The following COL24A1 variants were observed in gnomAD, a reference collection of about 807,000 sequenced individuals.
The protein encoded by COL24A1 is collagen type XXIV alpha 1 chain.
Under a neutral mutation model 253.9 loss-of-function variants are expected in COL24A1, and 224 were observed. The observed-to-expected ratio is 0.88, with a 90% CI of 0.79 to 0.99. COL24A1 has a LOEUF of 0.99. Ranked by LOEUF, COL24A1 falls within the 50% of genes least tolerant of loss-of-function variation. COL24A1 has a pLI of 0.00. For synonymous variants in COL24A1, 685 were observed against 673.7 expected (o/e 1.02, Z -0.26); for missense variants, 2,131 against 2,068.5 (o/e 1.03, Z -0.59).
chr1:86,041,289 G>A (rs1051373850), intron 12 of COL24A1, among the ~76,000 whole-genome samples: 8 of 152,012 alleles, frequency 5.3e-5, no homozygotes, highest in Non-Finnish European at 8.8e-5. Context: ...CCATTCTAAG[G>A]GTCTGAAAAA....
chr1:85,970,164 A>G lies in COL24A1; in HGVS notation c.2463+63T>C. ...AATGTAAAATGTTATGATGTTAAAA[A>G]CATTTATAGAACAGCTATTTTCAAG... On this transcript the variant is annotated intron_variant, in intron 22 of 59. Transcript: ENST00000370571. The G allele has an allele frequency of 2.9e-6, 4 of 1,386,194 alleles. No individual in the cohort carries two copies. In the South Asian group the frequency reaches 5.7e-5, roughly 20 times the overall value. The allele number at this position is 1,386,194 out of a possible 1,614,324, so 85.9% of individuals were successfully genotyped here. A position where few individuals can be genotyped will look rare whatever the true frequency, so the allele number is the denominator to read the frequency against.
At chr1:85,871,358 C>A (rs962721359) in intron 35 of COL24A1, among the ~76,000 whole-genome samples, 1 of 152,140 alleles carries the variant, frequency 6.6e-6, no homozygotes, top group African/African-American at 2.4e-5. Context: ...AGGCCAGCAT[C>A]ATCCTGATAC....
rs184146946 is a variant in COL24A1, at chr1:85,971,408, T to C, written c.2365-15A>G. 4 of 1,598,990 alleles carry C rather than the reference T, an allele frequency of 2.5e-6. No homozygotes were observed. Among genetic ancestry groups the C allele is most frequent in the African/African-American group, 2.7e-5 (2 of 74,308 alleles). ...CCAAGGAGTCCCTATAAAAGCAATA[T>C]AAATGCACACAATAGAAATTTTAGA... On this transcript the variant is annotated splice_polypyrimidine_tract_variant and intron_variant, in intron 20 of 59. Coordinates refer to ENST00000370571, the MANE Select transcript of COL24A1 (RefSeq NM_152890.7).
intron 32 of COL24A1, among the ~76,000 whole-genome samples, 183 bp from the exon 33 acceptor site, chr1:85,877,358 ATG>A (rs1434404855): frequency 1.3e-5 from 2 of 151,964 alleles, no homozygotes; most frequent in South Asian, 2.1e-4. Context: ...TGATTCATGT[ATG>A]TGTGTGTGTT....
intron 37 of COL24A1, among the ~76,000 whole-genome samples, chr1:85,861,791 T>C (rs1273548426): frequency 2.0e-5 from 3 of 152,230 alleles, no homozygotes; most frequent in Non-Finnish European, 2.9e-5. Flanking sequence ...TTTCTTATCA[T>C]AGCTTAAAAA....
At chr1:86,131,479 A>G (rs1572027859) in intron 2 of COL24A1, among the ~76,000 whole-genome samples, 1 of 151,818 alleles carries the variant, frequency 6.6e-6, no homozygotes, top group East Asian at 1.9e-4. Context: ...CGTCATTAAC[A>G]TTAGGTATGT....
intron 5 of COL24A1, among the ~76,000 whole-genome samples, chr1:86,097,286 T>A (rs538558985): frequency 3.7e-4 from 56 of 152,296 alleles, no homozygotes; most frequent in Non-Finnish European, 6.3e-4. Context: ...CTACACAGAC[T>A]TTTTTGTCCC....
At chr1:85,832,803 T>C (rs1398745594) in intron 43 of COL24A1, among the ~76,000 whole-genome samples, 3 of 150,752 alleles carry the variant, frequency 2.0e-5, no homozygotes, top group Non-Finnish European at 2.9e-5. Context: ...CTGAAGTTGC[T>C]TATCAGCTTA....
chr1:85,884,197 T>C (rs1682203664), intron 32 of COL24A1, among the ~76,000 whole-genome samples: 1 of 152,156 alleles, frequency 6.6e-6, no homozygotes, highest in Admixed American at 6.5e-5. Context: ...CCTGAGTCTG[T>C]TTCTGCTTGT....
At chr1:86,082,796 G>T (rs1218847750) in intron 7 of COL24A1, among the ~76,000 whole-genome samples, 1 of 150,670 alleles carries the variant, frequency 6.6e-6, no homozygotes, top group East Asian at 1.9e-4. Context: ...AAATGCTTGG[G>T]ACCAGAGTGT....
intron 24 of COL24A1, among the ~76,000 whole-genome samples, chr1:85,943,714 C>T (rs752210104): frequency 1.3e-5 from 2 of 152,158 alleles, no homozygotes; most frequent in African/African-American, 2.4e-5. Context: ...TCTTTAAATA[C>T]GAGTGCAGCA....
At position 86,146,161 on chromosome 1, in the gene COL24A1, C is replaced by T. The variant is rs1261567915; in HGVS notation, c.79G>A (p.Val27Ile). ...ACAACCACCCCAGCCACACATAGTA[C>T]AATAAAATGAAGAAGTGATTTCCTA... ...AKTKSLLHFI[V>I]LCVAGVVVHA... Residue 27 changes from valine to isoleucine, a missense_variant, in exon 2 of 60, where the codon GTA (valine) becomes ATA (isoleucine). Val to Ile is a conservative substitution (Grantham distance 29, BLOSUM62 3). Transcript: ENST00000370571. 6.2e-7 allele frequency: 1 copy of T among 1,609,336 alleles called. No homozygotes were observed.
chr1:86,051,471 G>C (rs1350478437), intron 10 of COL24A1, among the ~76,000 whole-genome samples: 1 of 152,022 alleles, frequency 6.6e-6, no homozygotes, highest in Non-Finnish European at 1.5e-5. Context: ...AAAAGAAAAG[G>C]CAGGGCTAAC....
intron 13 of COL24A1, among the ~76,000 whole-genome samples, chr1:86,033,013 A>G (rs760989676): frequency 6.6e-6 from 1 of 152,142 alleles, no homozygotes; most frequent in Admixed American, 6.6e-5. Flanking sequence ...TAAACATTCC[A>G]CTTAAAACAA....
intron 2 of COL24A1, among the ~76,000 whole-genome samples, chr1:86,129,210 TTTACA>T (rs1379975194): frequency 6.6e-6 from 1 of 151,770 alleles, no homozygotes; most frequent in African/African-American, 2.4e-5. Flanking sequence ...CCTCTAGGCT[TTTACA>T]TGTATTACCC....
intron 47 of COL24A1, among the ~76,000 whole-genome samples, chr1:85,799,316 T>G (rs554296362): frequency 1.3e-5 from 2 of 148,330 alleles, no homozygotes; most frequent in Admixed American, 1.4e-4. Context: ...AATAAATATT[T>G]TTCTCAGTGG....
intron 2 of COL24A1, among the ~76,000 whole-genome samples, chr1:86,139,955 T>G (rs1423447499): frequency 6.6e-6 from 1 of 152,204 alleles, no homozygotes; most frequent in Non-Finnish European, 1.5e-5. Flanking sequence ...AAATACAGCT[T>G]CCTAGCTCCA....
At chr1:85,844,788 A>C (rs1676991972) in intron 39 of COL24A1, among the ~76,000 whole-genome samples, 2 of 152,010 alleles carry the variant, frequency 1.3e-5, no homozygotes, top group Non-Finnish European at 2.9e-5. Context: ...AGAAGATACA[A>C]AATTTGAAAA....
chr1:85,832,552 C>G (rs1570819953), intron 43 of COL24A1, among the ~76,000 whole-genome samples: 1 of 150,536 alleles, frequency 6.6e-6, no homozygotes, highest in South Asian at 2.1e-4. Context: ...TTCTTCCTAC[C>G]CATGAGCATG....
Sources: gnomAD v4.1 joint callset for allele counts (sites outside exome capture counted in the v4.1 genomes callset) on GRCh38, gnomAD v4.1.1 for gene constraint, MANE v1.5 for transcripts, NCBI Gene and HGNC (gene_info 2026-07-23, HGNC 2026-07-21) for gene names.